GAS2L3: variants seen among roughly 807,000 people sequenced by gnomAD.
GAS2L3 encodes GAS2-like protein 3.
Under a neutral mutation model 37.0 loss-of-function variants are expected in GAS2L3, and 28 were observed. That is an observed-to-expected ratio of 0.76 (90% CI 0.56 to 1.04). The LOEUF (loss-of-function observed/expected upper bound fraction) is 1.04. Ranked by LOEUF, GAS2L3 falls within the 50% of genes least tolerant of loss-of-function variation. GAS2L3 has a pLI of 0.00. For synonymous variants in GAS2L3, 290 were observed against 296.6 expected (o/e 0.98, Z 0.23); for missense variants, 793 against 817.6 (o/e 0.97, Z 0.37).
At chr12:100,588,760 C>A (rs1955810968) in intron 1 of GAS2L3, among the ~76,000 whole-genome samples, 1 of 152,172 alleles carries the variant, frequency 6.6e-6, no homozygotes. Context: ...GAACGTATTC[C>A]TTTCCCAGGG....
rs1319031064 is a variant in GAS2L3, at chr12:100,625,483, T to C, written c.*593T>C. On this transcript the variant is annotated 3_prime_UTR_variant, in exon 10 of 10. Coordinates refer to ENST00000547754, the MANE Select transcript of GAS2L3 (RefSeq NM_174942.3). ...TATTTATTTTTTTAAGCTTTCCAAA[T>C]TGGAAGGAACTGATTGTTTCATGTG... 6.6e-6 allele frequency: 1 copy of C among 152,172 alleles called. No homozygotes were observed. The highest frequency in any genetic ancestry group is 6.5e-5 in the Admixed American group (1 of 15,280). 9.4% of individuals were successfully genotyped at this position (152,172 alleles called of 1,614,324 possible). A position where few individuals can be genotyped will look rare whatever the true frequency, so the allele number is the denominator to read the frequency against.
At chr12:100,601,490 AT>A (rs1232827393) in intron 4 of GAS2L3, 147 bp from the exon 5 acceptor site, 1 of 478,728 alleles carries the variant, frequency 2.1e-6, no homozygotes, top group Non-Finnish European at 3.8e-6. Context: ...ATTATTTGCT[AT>A]TTTAACTGTA....
rs776348170 is a variant in GAS2L3, at chr12:100,611,997, C to T, written c.304-3C>T. The T allele has an allele frequency of 8.2e-6, 13 of 1,591,250 alleles. No individual in the cohort carries two copies. Among genetic ancestry groups the T allele is most frequent in the Non-Finnish European group, 1.0e-5 (12 of 1,164,036 alleles). On this transcript the variant is annotated splice_polypyrimidine_tract_variant and splice_region_variant and intron_variant, in intron 5 of 9. Coordinates refer to ENST00000547754, the MANE Select transcript of GAS2L3 (RefSeq NM_174942.3). ...TTTGAAATTATTCTTTTGTCTTTTC[C>T]AGAATTTTCCAATGAGAAAAGTGCC...
chr12:100,589,351 T>A lies in GAS2L3; in HGVS notation c.-151-2385T>A, dbSNP rs184265908. Among the ~76,000 whole-genome samples the A allele has an allele frequency of 4.7e-3, 685 of 145,240 alleles. 6 individuals carry two copies. The highest frequency in any genetic ancestry group is 0.017 in the African/African-American group (649 of 38,910). On this transcript the variant is annotated intron_variant, in intron 1 of 9. Transcript: ENST00000547754. ...TTTATAATAGCTGCAAAAAAAAAAATGAATATACCTAACCAAGGAGTCAAA... is the reference window on the plus strand; with the variant it reads ...TTTATAATAGCTGCAAAAAAAAAAAAGAATATACCTAACCAAGGAGTCAAA...
In GAS2L3 at chr12:100,624,701, A is replaced by G. The variant is rs767359795; in HGVS notation, c.1896A>G (p.Ala632=). 1 of 1,614,124 alleles carries G rather than the reference A, an allele frequency of 6.2e-7. No homozygotes were observed. The highest frequency in any genetic ancestry group is 1.1e-5 in the South Asian group (1 of 91,078). ...AAACACAAACTGCACCGAAGTCAGCACAGACTGTCGCTAAGAGCCAGCATT... is the reference window on the plus strand; with the variant it reads ...AAACACAAACTGCACCGAAGTCAGCGCAGACTGTCGCTAAGAGCCAGCATT... The part of the protein sequence containing the change: ...STKTQTAPKS[A]QTVAKSQHST... The change falls in exon 10 of 10, where the codon GCA becomes GCG. Residue 632 remains alanine, a synonymous_variant. Transcript: ENST00000547754.
chr12:100,622,282 A>T lies in GAS2L3; in HGVS notation c.656A>T (p.His219Leu). 6.4e-7 allele frequency: 1 copy of T among 1,572,482 alleles called. No individual in the cohort carries two copies. ...ATTTGTTCGTCATCTTAGGTTAAAC[A>T]TATTGCTGAGGACCCTCCTTGTAGT... ...RHEELHEAVKHIAEDPPCSCS... is the reference protein window; with the variant it reads ...RHEELHEAVKLIAEDPPCSCS... The change falls in exon 9 of 10, where the codon CAT becomes CTT. Residue 219 changes from histidine to leucine, a missense_variant. Coordinates refer to ENST00000547754, the MANE Select transcript of GAS2L3 (RefSeq NM_174942.3).
intron 6 of GAS2L3, 38 bp from the exon 7 acceptor site, chr12:100,617,706 A>C: frequency 7.9e-7 from 1 of 1,263,816 alleles, no homozygotes; most frequent in Non-Finnish European, 1.2e-6. Flanking sequence ...TCCATACTTA[A>C]TTTTGCTGTA....
chr12:100,598,679 G>A (rs914947468), intron 3 of GAS2L3, among the ~76,000 whole-genome samples: 2 of 152,082 alleles, frequency 1.3e-5, no homozygotes, highest in Non-Finnish European at 2.9e-5. Flanking sequence ...TATTCAGTGT[G>A]GTATAATCCA....
intron 1 of GAS2L3, among the ~76,000 whole-genome samples, chr12:100,589,470 G>A (rs149041207): frequency 0.019 from 2,875 of 152,166 alleles, 75 homozygotes; most frequent in African/African-American, 0.06. Flanking sequence ...GATGGGTAGA[G>A]TCAATATTGT....
At chr12:100,588,117 G>A (rs928804259) in intron 1 of GAS2L3, among the ~76,000 whole-genome samples, 1 of 152,136 alleles carries the variant, frequency 6.6e-6, no homozygotes, top group Non-Finnish European at 1.5e-5. Flanking sequence ...AACTATTACT[G>A]ATTGCTGACG....
chr12:100,617,615 T>C, intron 6 of GAS2L3, 129 bp from the exon 7 acceptor site: 1 of 636,020 alleles, frequency 1.6e-6, no homozygotes, highest in Non-Finnish European at 2.8e-6. Flanking sequence ...TGTCTTTTCT[T>C]CATTTTTTCT....
chr12:100,583,643 T>G (rs1955741830), intron 1 of GAS2L3, among the ~76,000 whole-genome samples: 1 of 152,198 alleles, frequency 6.6e-6, no homozygotes, highest in East Asian at 1.9e-4. Flanking sequence ...ACTAATTTTT[T>G]TTGTATTTTT....
chr12:100,624,806 T>C lies in GAS2L3; in HGVS notation c.2001T>C (p.Ser667=), dbSNP rs1332589164. ...CCTCATCTGTTAAGGATGCAGATAG[T>C]GGAGATAAAAAACCTACTGCAAAGA... ...KPPSSVKDAD[S]GDKKPTAKKK... is the part of the protein sequence containing the mutation. The change falls in exon 10 of 10, where the codon AGT becomes AGC. Residue 667 remains serine (S), a synonymous_variant. Transcript: ENST00000547754. 6.2e-7 allele frequency: 1 copy of C among 1,613,602 alleles called. No homozygotes were observed. Among genetic ancestry groups the C allele is most frequent in the East Asian group, 2.2e-5 (1 of 44,876 alleles).
chr12:100,623,671 A>G lies in GAS2L3; in HGVS notation c.866A>G (p.Glu289Gly). The G allele has an allele frequency of 1.2e-6, 2 of 1,614,082 alleles. No homozygotes were observed. Among genetic ancestry groups the G allele is most frequent in the Non-Finnish European group, 1.7e-6 (2 of 1,179,980 alleles). Residue 289 changes from glutamate to glycine, a missense_variant, in exon 10 of 10, where the codon GAA becomes GGA. Physicochemically the swap from Glu to Gly is moderately conservative, Grantham distance 98. Coordinates refer to ENST00000547754, the MANE Select transcript of GAS2L3 (RefSeq NM_174942.3). ...PCRILQFATL[E>G]QKILAFQKGV... is the part of the protein sequence containing the mutation. ...CGAATATTACAGTTTGCCACATTAGAACAAAAAATTTTAGCATTTCAAAAA... is the reference window on the plus strand; with the variant it reads ...CGAATATTACAGTTTGCCACATTAGGACAAAAAATTTTAGCATTTCAAAAA...
Position 100,624,238 on chromosome 12 carries a change from A to T in GAS2L3, c.1433A>T (p.His478Leu), listed in dbSNP as rs757095936. The T allele has an allele frequency of 1.2e-6, 2 of 1,614,106 alleles. No individual in the cohort carries two copies. Among genetic ancestry groups the T allele is most frequent in the African/African-American group, 2.7e-5 (2 of 75,048 alleles). ...KTQPKYLKHN[H>L]ISSRDNAVSH... Reference sequence around the variant, plus strand: ...CAACCTAAGTATTTGAAACATAATCATATTTCTTCCAGAGATAATGCAGTA... The same window carrying T: ...CAACCTAAGTATTTGAAACATAATCTTATTTCTTCCAGAGATAATGCAGTA... The change falls in exon 10 of 10, where the codon CAT becomes CTT. Residue 478 changes from histidine to leucine, a missense_variant. Coordinates refer to ENST00000547754, the MANE Select transcript of GAS2L3 (RefSeq NM_174942.3).
chr12:100,617,258 G>C (rs368482337), intron 6 of GAS2L3, among the ~76,000 whole-genome samples: 4 of 152,012 alleles, frequency 2.6e-5, no homozygotes, highest in Non-Finnish European at 5.9e-5. Context: ...GACATATTGG[G>C]TTTTAGTTTT....
In GAS2L3 at chr12:100,624,923, A is replaced by G. The variant is rs1337190092; in HGVS notation, c.*33A>G. 1.4e-6 allele frequency: 2 copies of G among 1,455,264 alleles called. No individual in the cohort carries two copies. Among genetic ancestry groups the G allele is most frequent in the Non-Finnish European group, 1.9e-6 (2 of 1,067,070 alleles). The allele number at this position is 1,455,264 out of a possible 1,614,324, so 90.1% of individuals were successfully genotyped here. A position where few individuals can be genotyped will look rare whatever the true frequency, so the allele number is the denominator to read the frequency against. ...CTCATTATAAAAAAAGAGAAAAGGA[A>G]GAATGAATGTGTTAGCTTCACATCT... On this transcript the variant is annotated 3_prime_UTR_variant, in exon 10 of 10. Transcript: ENST00000547754.
In GAS2L3 at chr12:100,625,883, C is replaced by T. The variant is rs1956327248; in HGVS notation, c.*993C>T. On this transcript the variant is annotated 3_prime_UTR_variant, in exon 10 of 10. Coordinates refer to ENST00000547754, the MANE Select transcript of GAS2L3 (RefSeq NM_174942.3). ...TATTTTTCTCTAGATAGCACAATAC[C>T]AATTTTAATTAATTTCTTCCAATTA... The T allele has an allele frequency of 6.6e-6, 1 of 151,872 alleles. No homozygotes were observed. Among genetic ancestry groups the T allele is most frequent in the African/African-American group, 2.4e-5 (1 of 41,334 alleles). The allele number at this position is 151,872 out of a possible 1,614,324, so 9.4% of individuals were successfully genotyped here.
At chr12:100,614,513 T>G (rs772732484) in intron 6 of GAS2L3, among the ~76,000 whole-genome samples, 38 of 152,180 alleles carry the variant, frequency 2.5e-4, no homozygotes, top group Non-Finnish European at 3.8e-4. Flanking sequence ...TGTATTAGGT[T>G]TCTTTTGTAG....
Sources: allele counts gnomAD v4.1 joint callset (sites outside exome capture counted in the v4.1 genomes callset), GRCh38; gene constraint gnomAD v4.1.1; transcripts MANE v1.5; gene names NCBI Gene and HGNC (gene_info 2026-07-23, HGNC 2026-07-21).